Variants in RBFOX1 observed in about 807,000 individuals in gnomAD.
The protein encoded by RBFOX1 is RNA binding fox-1 homolog 1, also known as RNA binding protein fox-1 homolog 1.
A neutral mutation model predicts 57.7 loss-of-function variants in RBFOX1; 8 were observed. The observed-to-expected ratio is 0.14, with a 90% CI of 0.08 to 0.25. The LOEUF (loss-of-function observed/expected upper bound fraction) is 0.25. Among genes scored for constraint, RBFOX1 ranks in the 10% least tolerant of loss-of-function variants. The probability of loss-of-function intolerance (pLI) is 1.00; values close to 1 mark genes in which losing one functional copy is unlikely to be tolerated. For missense variants in RBFOX1, 611 were observed against 548.5 expected (o/e 1.11, Z -1.14); for synonymous variants, 326 against 222.4 (o/e 1.47, Z -4.15).
At chr16:7,360,316 C>G (rs748912660) in intron 4 of RBFOX1, among the ~76,000 whole-genome samples, 14 of 152,148 alleles carry the variant, frequency 9.2e-5, no homozygotes, top group African/African-American at 1.4e-4. Flanking sequence ...AAACTGTGGT[C>G]AACTGAAAAC....
intron 4 of RBFOX1, among the ~76,000 whole-genome samples, chr16:5,972,580 A>C (rs904041863): frequency 2.6e-5 from 4 of 152,202 alleles, no homozygotes; most frequent in African/African-American, 9.6e-5. Context: ...GAAAACAGGG[A>C]TGAGATGCGG....
At chr16:7,099,869 T>TA (rs1366915793) in intron 4 of RBFOX1, among the ~76,000 whole-genome samples, 1 of 152,130 alleles carries the variant, frequency 6.6e-6, no homozygotes, top group African/African-American at 2.4e-5. Context: ...TTACAGCCTC[T>TA]AAGTAGCAGG....
chr16:7,201,470 TTC>T (rs1168014615), intron 4 of RBFOX1, among the ~76,000 whole-genome samples: 2 of 114,492 alleles, frequency 1.7e-5, no homozygotes, highest in African/African-American at 6.9e-5. Context: ...TTTTTTTCTT[TTC>T]TTTTTTTTGA....
At chr16:6,957,565 C>G (rs72774235) in intron 3 of RBFOX1, among the ~76,000 whole-genome samples, 7 of 151,980 alleles carry the variant, frequency 4.6e-5, no homozygotes, top group Admixed American at 1.3e-4. Context: ...ACTCTCATCA[C>G]CATCTTGGTT....
At chr16:6,162,249 C>T (rs985937018) in intron 1 of RBFOX1, among the ~76,000 whole-genome samples, 1 of 152,156 alleles carries the variant, frequency 6.6e-6, no homozygotes, top group Non-Finnish European at 1.5e-5. Flanking sequence ...TCCCTAGTAG[C>T]TGGGATTACA....
chr16:7,178,689 T>C (rs2082127749), intron 4 of RBFOX1, among the ~76,000 whole-genome samples: 1 of 152,174 alleles, frequency 6.6e-6, no homozygotes. Context: ...TTCTACTTGA[T>C]GGTAAAAGTC....
At chr16:7,518,455 G>T in intron 5 of RBFOX1, 66 bp downstream of exon 5, 1 of 1,535,696 alleles carries the variant, frequency 6.5e-7, no homozygotes, top group Non-Finnish European at 8.8e-7. Flanking sequence ...GGTAATGGCA[G>T]CGGGGGTGCA....
chr16:5,388,415 A>C (rs1464145285), intron 1 of RBFOX1, among the ~76,000 whole-genome samples: 1 of 152,166 alleles, frequency 6.6e-6, no homozygotes, highest in Non-Finnish European at 1.5e-5. Flanking sequence ...AGGCACAGTC[A>C]AGGATGCTGT....
At chr16:7,639,433 C>T (rs2062376195) in intron 11 of RBFOX1, among the ~76,000 whole-genome samples, 1 of 152,126 alleles carries the variant, frequency 6.6e-6, no homozygotes, top group Non-Finnish European at 1.5e-5. Flanking sequence ...AGTTTTTAGT[C>T]CTTTGATCGG....
intron 2 of RBFOX1, among the ~76,000 whole-genome samples, chr16:6,616,225 A>C (rs1252664998): frequency 6.6e-6 from 1 of 152,202 alleles, no homozygotes. Flanking sequence ...TAATAAATGA[A>C]TGTCTGTGCT....
chr16:6,382,997 A>G (rs2091952243), intron 2 of RBFOX1, among the ~76,000 whole-genome samples: 1 of 152,228 alleles, frequency 6.6e-6, no homozygotes, highest in Non-Finnish European at 1.5e-5. Context: ...CCCAGGGCTC[A>G]GCTGCAGAGG....
chr16:7,199,107 C>A (rs979320981), intron 4 of RBFOX1, among the ~76,000 whole-genome samples: 2 of 152,164 alleles, frequency 1.3e-5, no homozygotes, highest in African/African-American at 2.4e-5. Context: ...AGAACACAGG[C>A]TGCAGAGGTG....
intron 4 of RBFOX1, among the ~76,000 whole-genome samples, chr16:7,440,864 C>T (rs928557474): frequency 6.6e-6 from 1 of 152,090 alleles, no homozygotes; most frequent in Non-Finnish European, 1.5e-5. Context: ...GCCTAATATG[C>T]CAACTTCTGA....
At chr16:7,474,720 T>G (rs2062278220) in intron 4 of RBFOX1, among the ~76,000 whole-genome samples, 1 of 152,216 alleles carries the variant, frequency 6.6e-6, no homozygotes, top group African/African-American at 2.4e-5. Flanking sequence ...TTCTTAATTT[T>G]TCTTCTGTAA....
At position 5,469,195 on chromosome 16, in the gene RBFOX1, G is replaced by A. The variant is rs990809022; in HGVS notation, c.258+1941G>A. Among the ~76,000 whole-genome samples the A allele has an allele frequency of 2.0e-5, 3 of 152,170 alleles. 1 individual carries two copies. The highest frequency in any genetic ancestry group is 2.0e-4 in the Admixed American group (3 of 15,278). On this transcript the variant is annotated intron_variant, in intron 2 of 2. Coordinates refer to the RBFOX1 transcript ENST00000585867. ...TTCTCTCAGGTGCAGCTGCCTTCAG[G>A]CATTTTGCACTGCTGGGAGCTTCTC...
intron 3 of RBFOX1, among the ~76,000 whole-genome samples, chr16:6,683,370 G>A (rs1411032020): frequency 1.3e-5 from 2 of 152,088 alleles, no homozygotes; most frequent in African/African-American, 4.8e-5. Flanking sequence ...GTGATTCATG[G>A]AATTGTGGTT....
At chr16:7,245,598 T>C (rs1485420372) in intron 4 of RBFOX1, among the ~76,000 whole-genome samples, 2 of 152,230 alleles carry the variant, frequency 1.3e-5, no homozygotes, top group Admixed American at 1.3e-4. Flanking sequence ...ATAACTTTTC[T>C]GAGAGGTTAA....
chr16:6,979,534 A>C (rs1011829265), intron 3 of RBFOX1, among the ~76,000 whole-genome samples: 17 of 152,222 alleles, frequency 1.1e-4, no homozygotes, highest in Admixed American at 9.8e-4. Context: ...GAATATCTTC[A>C]ATTGGATACA....
chr16:6,459,616 A>G (rs567432437), intron 2 of RBFOX1, among the ~76,000 whole-genome samples: 25 of 152,274 alleles, frequency 1.6e-4, no homozygotes, highest in African/African-American at 5.8e-4. Context: ...TAAGGCATCC[A>G]TATATCCAAA....
Sources: allele counts gnomAD v4.1 joint callset (sites outside exome capture counted in the v4.1 genomes callset), GRCh38; gene constraint gnomAD v4.1.1; transcripts MANE v1.5; gene names NCBI Gene and HGNC (gene_info 2026-07-23, HGNC 2026-07-21).